The following SLC4A4 variants were observed in gnomAD, a reference collection of about 807,000 sequenced individuals.
SLC4A4 encodes solute carrier family 4 member 4.
Under a neutral mutation model 111.5 loss-of-function variants are expected in SLC4A4, and 27 were observed. The observed-to-expected ratio is 0.24, with a 90% CI of 0.18 to 0.33. The LOEUF (loss-of-function observed/expected upper bound fraction) is 0.33. SLC4A4 is among the 10% of genes least tolerant of loss of function. SLC4A4 has a pLI of 1.00. For synonymous variants in SLC4A4, 443 were observed against 463.4 expected (o/e 0.96, Z 0.57); for missense variants, 909 against 1,315.5 (o/e 0.69, Z 4.78).
At chr4:71,487,429 G>C (rs1239524726) in intron 15 of SLC4A4, among the ~76,000 whole-genome samples, 2 of 151,620 alleles carry the variant, frequency 1.3e-5, no homozygotes, top group Non-Finnish European at 3.0e-5. Flanking sequence ...TCTTCACTAA[G>C]AGTGATTGTA....
intron 5 of SLC4A4, among the ~76,000 whole-genome samples, chr4:71,352,402 GC>G (rs1024952391): frequency 3.3e-5 from 5 of 152,020 alleles, no homozygotes; most frequent in African/African-American, 1.2e-4. Flanking sequence ...GATCATTACT[GC>G]CTAAATTTTC....
chr4:71,069,943 G>A (rs905025437), intron 1 of SLC4A4, among the ~76,000 whole-genome samples: 3 of 152,150 alleles, frequency 2.0e-5, no homozygotes, highest in African/African-American at 4.8e-5. Flanking sequence ...GATGCTGTAA[G>A]AATAGAAATG....
At chr4:71,386,312 C>T (rs1011652567) in intron 6 of SLC4A4, among the ~76,000 whole-genome samples, 4 of 151,604 alleles carry the variant, frequency 2.6e-5, no homozygotes, top group African/African-American at 7.3e-5. Flanking sequence ...TTTATTTTTC[C>T]CTGGGTGTCC....
chr4:71,326,947 T>C (rs569003834), intron 3 of SLC4A4, among the ~76,000 whole-genome samples: 1 of 152,192 alleles, frequency 6.6e-6, no homozygotes, highest in East Asian at 1.9e-4. Context: ...CATTAATAAC[T>C]TAAAAATAGT....
chr4:71,234,938 C>T (rs553778910), intron 1 of SLC4A4, among the ~76,000 whole-genome samples: 2 of 152,154 alleles, frequency 1.3e-5, no homozygotes, highest in South Asian at 4.2e-4. Flanking sequence ...TGCTATTGTC[C>T]ACCATTGACT....
intron 1 of SLC4A4, among the ~76,000 whole-genome samples, chr4:71,229,078 C>G (rs1281655094): frequency 6.6e-6 from 1 of 152,162 alleles, no homozygotes; most frequent in East Asian, 1.9e-4. Context: ...CATCTTTAAC[C>G]CCTGGCAAAC....
intron 6 of SLC4A4, among the ~76,000 whole-genome samples, chr4:71,375,052 T>G (rs1257332771): frequency 1.3e-5 from 2 of 152,226 alleles, no homozygotes; most frequent in Non-Finnish European, 2.9e-5. Flanking sequence ...GTTGCTTGCC[T>G]CAGTCTCCTT....
chr4:71,417,249 A>G (rs925577515), intron 7 of SLC4A4, among the ~76,000 whole-genome samples: 1 of 152,186 alleles, frequency 6.6e-6, no homozygotes, highest in African/African-American at 2.4e-5. Context: ...AAGTACTTGT[A>G]GTCTGATAAG....
intron 4 of SLC4A4, among the ~76,000 whole-genome samples, chr4:71,344,574 G>T (rs923810763): frequency 3.3e-5 from 5 of 152,044 alleles, no homozygotes; most frequent in African/African-American, 1.2e-4. Context: ...TGTGAAAGTC[G>T]CAATTGATAG....
intron 7 of SLC4A4, chr4:71,434,621 A>T (rs1723946474): frequency 6.6e-6 from 1 of 152,170 alleles, no homozygotes; most frequent in Non-Finnish European, 1.5e-5. Flanking sequence ...TCAAAGAGGA[A>T]GTCAAATTGT....
intron 16 of SLC4A4, among the ~76,000 whole-genome samples, chr4:71,528,914 T>G (rs1313019599): frequency 6.6e-6 from 1 of 151,988 alleles, no homozygotes; most frequent in Admixed American, 6.6e-5. Flanking sequence ...AAAATTCATC[T>G]CTACATAGTA....
At chr4:71,304,997 T>C (rs181525290) in intron 3 of SLC4A4, among the ~76,000 whole-genome samples, 16 of 152,356 alleles carry the variant, frequency 1.1e-4, no homozygotes, top group African/African-American at 3.4e-4. Context: ...TATGCTCAGT[T>C]ACTGGGCAGA....
At chr4:71,433,333 T>C (rs570461048) in intron 7 of SLC4A4, among the ~76,000 whole-genome samples, 30 of 151,798 alleles carry the variant, frequency 2.0e-4, no homozygotes, top group Non-Finnish European at 4.3e-4. Flanking sequence ...AAAGCTAACT[T>C]TTCTGCCTGT....
intron 1 of SLC4A4, among the ~76,000 whole-genome samples, chr4:71,208,300 G>A (rs573878273): frequency 5.1e-4 from 78 of 151,900 alleles, no homozygotes; most frequent in South Asian, 1.5e-3. Flanking sequence ...GTGTGGTGGC[G>A]GGCACCTGTA....
At chr4:71,209,080 CT>C (rs1717970714) in intron 1 of SLC4A4, among the ~76,000 whole-genome samples, 1 of 152,078 alleles carries the variant, frequency 6.6e-6, no homozygotes, top group Admixed American at 6.5e-5. Flanking sequence ...ATTTTCTTGC[CT>C]TTGTAGTTTA....
At chr4:71,150,402 G>C (rs34061973) in intron 2 of SLC4A4, among the ~76,000 whole-genome samples, 15,159 of 152,108 alleles carry the variant, frequency 0.1, 957 homozygotes, top group Admixed American at 0.22. Context: ...TGGGAACCAA[G>C]GTTTGGTTTC....
chr4:71,329,790 A>G (rs1447385149), intron 3 of SLC4A4, among the ~76,000 whole-genome samples: 2 of 152,180 alleles, frequency 1.3e-5, no homozygotes, highest in African/African-American at 4.8e-5. Flanking sequence ...TTCTTTCCAA[A>G]TTGAATGCCC....
chr4:71,485,265 G>A (rs1170183994), intron 14 of SLC4A4, among the ~76,000 whole-genome samples: 1 of 151,642 alleles, frequency 6.6e-6, no homozygotes, highest in Non-Finnish European at 1.5e-5. Context: ...TGTTGGCTGT[G>A]GGTTTGTCAT....
chr4:71,393,666 C>A (rs771466991), intron 6 of SLC4A4, among the ~76,000 whole-genome samples: 1 of 151,758 alleles, frequency 6.6e-6, no homozygotes, highest in Non-Finnish European at 1.5e-5. Flanking sequence ...AAAAAAAATT[C>A]CAAAATTCAT....
Sources: allele counts gnomAD v4.1 joint callset (sites outside exome capture counted in the v4.1 genomes callset), GRCh38; gene constraint gnomAD v4.1.1; transcripts MANE v1.5; gene names NCBI Gene and HGNC (gene_info 2026-07-23, HGNC 2026-07-21).